ATP2C1: variants seen among roughly 807,000 people sequenced by gnomAD.
ATP2C1 encodes calcium-transporting ATPase type 2C member 1.
In ATP2C1, 31 loss-of-function variants were observed where a neutral mutation model predicts 120.5. The observed-to-expected ratio is 0.26, with a 90% CI of 0.19 to 0.35. The LOEUF is 0.35. Ranked by LOEUF, ATP2C1 falls within the 10% of genes least tolerant of loss-of-function variation. The pLI, the probability that ATP2C1 is intolerant of heterozygous loss-of-function variation, is 1.00. For synonymous variants in ATP2C1, 351 were observed against 358.7 expected, an observed-to-expected ratio of 0.98 and a Z score of 0.24; for missense variants, 731 against 1,107.5, an observed-to-expected ratio of 0.66 and a Z score of 4.83.
chr3:130,989,564 TCA>T (rs1491292032), intron 20 of ATP2C1, among the ~76,000 whole-genome samples: 6 of 24,224 alleles, frequency 2.5e-4, no homozygotes, highest in African/African-American at 7.7e-4. Flanking sequence ...AAACTCCATC[TCA>T]AAAAAAAAAA....
chr3:130,965,107 A>G lies in ATP2C1; in HGVS notation c.1122+62A>G, dbSNP rs973115440. The G allele has an allele frequency of 2.7e-6, 3 of 1,125,866 alleles. No homozygotes were observed. In the Admixed American group the frequency reaches 5.1e-5, roughly 19 times the overall value. 69.7% of individuals were successfully genotyped at this position (1,125,866 alleles called of 1,614,324 possible). Reference sequence around the variant, plus strand: ...ATCCCTTTAAGAAACTTGGTGTTTAACATTCCTAACAGTTCCAGTGTCTTA... The same window carrying G: ...ATCCCTTTAAGAAACTTGGTGTTTAGCATTCCTAACAGTTCCAGTGTCTTA... On this transcript the variant is annotated intron_variant, in intron 14 of 27. Coordinates refer to ENST00000510168, the MANE Select transcript of ATP2C1 (RefSeq NM_001378687.1).
In ATP2C1 at chr3:130,894,088, C is replaced by T. The variant is rs2069346343; in HGVS notation, c.-430C>T. 3.1e-6 allele frequency: 3 copies of T among 978,480 alleles called. No individual in the cohort carries two copies. The highest frequency in any genetic ancestry group is 2.4e-6 in the Non-Finnish European group (2 of 823,700). The allele number at this position is 978,480 out of a possible 1,614,324, so 60.6% of individuals were successfully genotyped here. Reference sequence around the variant, plus strand: ...GCAGGAGTCGGAGGCGGGAGCAGACCAGCACGGCCTCGCGGAGCCGGCCCG... The same window carrying T: ...GCAGGAGTCGGAGGCGGGAGCAGACTAGCACGGCCTCGCGGAGCCGGCCCG... On this transcript the variant is annotated 5_prime_UTR_variant, in exon 1 of 28. Transcript: ENST00000510168. This position sits in a 1 kb window ranked among gnomAD's most constrained non-coding sequence, Gnocchi z 4.5.
chr3:130,884,998 A>G (rs952877856), intron 1 of ATP2C1, among the ~76,000 whole-genome samples: 4 of 134,664 alleles, frequency 3.0e-5, no homozygotes, highest in Non-Finnish European at 6.1e-5. Context: ...CAATGGCGCG[A>G]TTTTGGCTCA....
intron 20 of ATP2C1, among the ~76,000 whole-genome samples, chr3:130,990,272 A>ACCC (rs71306204): frequency 0.062 from 6,272 of 101,668 alleles, 466 homozygotes; most frequent in Non-Finnish European, 0.093. Flanking sequence ...CTTAAGAGCA[A>ACCC]CCCCCCCCCC....
At chr3:130,923,165 G>C (rs184854269) in intron 2 of ATP2C1, among the ~76,000 whole-genome samples, 6 of 151,756 alleles carry the variant, frequency 4.0e-5, no homozygotes, top group Admixed American at 2.6e-4. Flanking sequence ...TATATATTTA[G>C]GATTGCCACA....
intron 8 of ATP2C1, among the ~76,000 whole-genome samples, chr3:130,943,019 C>T (rs540330319): frequency 4.6e-5 from 7 of 152,090 alleles, no homozygotes; most frequent in East Asian, 3.9e-4. Context: ...TTGCATGGTT[C>T]GAGAAATATA....
chr3:131,012,759 AT>A, intron 26 of ATP2C1, among the ~76,000 whole-genome samples: 1 of 152,232 alleles, frequency 6.6e-6, no homozygotes, highest in Middle Eastern at 3.4e-3. Context: ...AAATTTCCTT[AT>A]TTCAAGAACT....
chr3:130,990,355 C>T (rs2062269955), intron 20 of ATP2C1, among the ~76,000 whole-genome samples: 1 of 145,388 alleles, frequency 6.9e-6, no homozygotes, highest in Non-Finnish European at 1.5e-5. Flanking sequence ...TAGGGAGGGC[C>T]TCACTGAGAA....
At chr3:130,868,262 C>A (rs1468372105) in intron 1 of ATP2C1, 2 of 142,850 alleles carry the variant, frequency 1.4e-5, no homozygotes, top group Non-Finnish European at 3.0e-5. Context: ...GGTCAGCCCC[C>A]CGCCCGGCCA....
At chr3:130,990,622 C>T (rs218482) in intron 20 of ATP2C1, among the ~76,000 whole-genome samples, 133,490 of 152,216 alleles carry the variant, frequency 0.88, 59,169 homozygotes, top group Non-Finnish European at 0.95. Flanking sequence ...AAGAGACACG[C>T]GATCTCACTT....
At chr3:130,918,875 C>G (rs560944368) in intron 2 of ATP2C1, among the ~76,000 whole-genome samples, 201 of 152,158 alleles carry the variant, frequency 1.3e-3, no homozygotes, top group African/African-American at 4.6e-3. Flanking sequence ...GCCTGTAGTC[C>G]CAGCTACTCG....
chr3:130,943,716 A>G (rs2060020954), intron 8 of ATP2C1, among the ~76,000 whole-genome samples: 1 of 152,086 alleles, frequency 6.6e-6, no homozygotes, highest in South Asian at 2.1e-4. Flanking sequence ...TCTCTACCTT[A>G]ATTCTGCCTT....
chr3:130,947,739 T>G (rs1161896349), intron 8 of ATP2C1, among the ~76,000 whole-genome samples: 1 of 152,226 alleles, frequency 6.6e-6, no homozygotes, highest in East Asian at 1.9e-4. Flanking sequence ...TATCTTTTTA[T>G]GTTCCTCAGT....
In ATP2C1 at chr3:130,993,972, A is replaced by G; in HGVS notation, c.1931A>G (p.Asp644Gly). Residue 644 changes from aspartate (D) to glycine (G), a missense_variant, in exon 22 of 28, where the codon GAT becomes GGT. Around this residue, in one of 3 missense-constraint regions of ATP2C1, gnomAD observed 571 missense variants for 845.9 expected, o/e 0.67. Transcript: ENST00000510168. ...KNGSVVAMTG[D>G]GVNDAVALKA... ...GGTTCAGTTGTAGCCATGACAGGAG[A>G]TGGAGTAAATGATGCAGTTGCTCTG... The G allele has an allele frequency of 6.2e-7, 1 of 1,614,100 alleles. No individual in the cohort carries two copies. Among genetic ancestry groups the G allele is most frequent in the Non-Finnish European group, 8.5e-7 (1 of 1,179,998 alleles).
intron 26 of ATP2C1, 117 bp from the exon 27 acceptor site, chr3:130,999,401 A>T: frequency 1.1e-6 from 1 of 950,896 alleles, no homozygotes; most frequent in Admixed American, 1.8e-5. Context: ...CATAGAATTG[A>T]CATTGCACAA....
At chr3:130,980,019 T>C (rs1436841687) in intron 19 of ATP2C1, among the ~76,000 whole-genome samples, 1 of 152,156 alleles carries the variant, frequency 6.6e-6, no homozygotes, top group Non-Finnish European at 1.5e-5. Context: ...AACTATATAT[T>C]GTCTAAGAAC....
At chr3:130,968,740 A>G (rs1041040864) in intron 16 of ATP2C1, among the ~76,000 whole-genome samples, 5 of 152,164 alleles carry the variant, frequency 3.3e-5, no homozygotes, top group Non-Finnish European at 5.9e-5. Context: ...TAGTTTAAAC[A>G]TTTTTGATAT....
At chr3:130,906,954 G>A (rs964589573) in intron 2 of ATP2C1, among the ~76,000 whole-genome samples, 1 of 152,034 alleles carries the variant, frequency 6.6e-6, no homozygotes, top group Non-Finnish European at 1.5e-5. Context: ...CAACTAGGAA[G>A]TGTGATGTGC....
chr3:130,999,966 A>G (rs912029491), intron 27 of ATP2C1, among the ~76,000 whole-genome samples: 10 of 152,312 alleles, frequency 6.6e-5, no homozygotes, highest in South Asian at 4.1e-4. Flanking sequence ...GCCATCTTGT[A>G]TGAAGAGAAA....
Sources: allele counts gnomAD v4.1 joint callset (sites outside exome capture counted in the v4.1 genomes callset), GRCh38; gene constraint gnomAD v4.1.1; regional missense constraint gnomAD v4.1.1; non-coding constraint Gnocchi (gnomAD v3.1); transcripts MANE v1.5; gene names NCBI Gene and HGNC (gene_info 2026-07-23, HGNC 2026-07-21).